Variants in FAM118B observed in about 807,000 individuals in gnomAD.
The protein encoded by FAM118B is SIR2 antiphage like 1.
In FAM118B, 24 loss-of-function variants were observed where a neutral mutation model predicts 38.5. The ratio of observed to expected loss-of-function variants is 0.62; its 90% CI spans 0.45 to 0.88. FAM118B has a LOEUF of 0.88. FAM118B is among the 40% of genes least tolerant of loss of function. The probability of loss-of-function intolerance (pLI) is 0.00; values close to 1 mark genes in which losing one functional copy is unlikely to be tolerated. For synonymous variants in FAM118B, 138 were observed against 156.3 expected (o/e 0.88, Z 0.87); for missense variants, 334 against 420.0 (o/e 0.80, Z 1.79).
At chr11:126,217,601 A>G (rs1443381066) in intron 1 of FAM118B, among the ~76,000 whole-genome samples, 2 of 152,194 alleles carry the variant, frequency 1.3e-5, no homozygotes, top group Non-Finnish European at 2.9e-5. Flanking sequence ...GCTCAAATGT[A>G]TCACCTGTTT....
chr11:126,226,612 C>T (rs934669454), intron 1 of FAM118B, among the ~76,000 whole-genome samples: 16 of 152,256 alleles, frequency 1.1e-4, no homozygotes, highest in Non-Finnish European at 2.1e-4. Context: ...AGTCTACTCT[C>T]TTTCTCTTTA....
At chr11:126,217,120 A>G (rs1949989706) in intron 1 of FAM118B, among the ~76,000 whole-genome samples, 1 of 152,260 alleles carries the variant, frequency 6.6e-6, no homozygotes, top group Non-Finnish European at 1.5e-5. Flanking sequence ...CATGGGGAGC[A>G]TGCCAACTCC....
chr11:126,240,430 T>C (rs1005329774), intron 3 of FAM118B, among the ~76,000 whole-genome samples: 1 of 152,200 alleles, frequency 6.6e-6, no homozygotes, highest in Non-Finnish European at 1.5e-5. Context: ...CGTCTTCTTT[T>C]GAAATTTAAT....
rs1950572817 is a variant in FAM118B at position 126,256,003 on chromosome 11, G to T, written c.697-564G>T. Among the ~76,000 whole-genome samples, 1 of 151,656 alleles carries T rather than the reference G, an allele frequency of 6.6e-6. No individual in the cohort carries two copies. Among genetic ancestry groups the T allele is most frequent in the African/African-American group, 2.4e-5 (1 of 41,258 alleles). ...AGTAAACTACTGGCCAAGTGCAGTG[G>T]CTCACGCCTGTAATCCCAGCACTTT... On this transcript the variant is annotated intron_variant, in intron 6 of 8. Coordinates refer to ENST00000533050, the MANE Select transcript of FAM118B (RefSeq NM_024556.4). This position sits in a 1 kb window ranked among gnomAD's most constrained non-coding sequence, Gnocchi z 6.6.
In FAM118B at chr11:126,219,349, C is replaced by CTTTTTTTTTTTTTTTT. The variant is rs549922825; in HGVS notation, c.-77+7544_-77+7559dup. The stretch of plus-strand genomic sequence containing the variant: ...AGCTTATCCTTCAGCTCTTGTTTAT[C>CTTTTTTTTTTTTTTTT]TTTTTTTTTTTTTTTTTTTTTTTTT... On this transcript the variant is annotated intron_variant, in intron 1 of 8. Transcript: ENST00000533050. 7.9e-4 allele frequency among the ~76,000 whole-genome samples: 35 copies of CTTTTTTTTTTTTTTTT among 44,464 alleles called. 1 individual carries two copies. The highest frequency in any genetic ancestry group is 1.1e-3 in the Non-Finnish European group (29 of 25,872). The allele number at this position is 44,464 out of a possible 152,430, so 29.2% of individuals were successfully genotyped here. A position where few individuals can be genotyped will look rare whatever the true frequency, so the allele number is the denominator to read the frequency against.
chr11:126,227,638 T>C (rs961875684), intron 1 of FAM118B, among the ~76,000 whole-genome samples: 15 of 152,196 alleles, frequency 9.9e-5, no homozygotes, highest in African/African-American at 3.6e-4. Context: ...ATCTTTCTTA[T>C]CCTTCTGTTC....
intron 2 of FAM118B, among the ~76,000 whole-genome samples, chr11:126,231,472 C>T (rs982527753): frequency 1.2e-4 from 18 of 152,012 alleles, no homozygotes; most frequent in African/African-American, 4.3e-4. Context: ...TTATATGCCA[C>T]TGGGGTATAC....
intron 1 of FAM118B, among the ~76,000 whole-genome samples, chr11:126,220,206 C>T (rs1384984307): frequency 6.6e-6 from 1 of 152,180 alleles, no homozygotes; most frequent in East Asian, 1.9e-4. Context: ...AAGGTGCTCT[C>T]TTTTTCTGAA....
chr11:126,214,501 T>TTTC (rs1949947012), intron 1 of FAM118B: 1 of 89,892 alleles, frequency 1.1e-5, no homozygotes. Flanking sequence ...TTTTTTTTTT[T>TTTC]TGTTTTTTTT....
chr11:126,260,911 G>A (rs1001851997), intron 7 of FAM118B: 1 of 154,014 alleles, frequency 6.5e-6, no homozygotes, highest in African/African-American at 2.4e-5. Context: ...GCCACATGTG[G>A]CTGGTGCACC....
chr11:126,219,458 G>T (rs1950033515), intron 1 of FAM118B, among the ~76,000 whole-genome samples: 1 of 133,436 alleles, frequency 7.5e-6, no homozygotes, highest in African/African-American at 2.8e-5. Flanking sequence ...CGACCTCCTG[G>T]GTTCAAGCAA....
intron 1 of FAM118B, among the ~76,000 whole-genome samples, chr11:126,215,325 G>C (rs1949964009): frequency 6.6e-6 from 1 of 152,118 alleles, no homozygotes; most frequent in South Asian, 2.1e-4. Context: ...TTCTGCTCTT[G>C]TCCCCAGAAT....
At chr11:126,260,464 C>G (rs1950665980) in intron 7 of FAM118B, 1 of 149,688 alleles carries the variant, frequency 6.7e-6, no homozygotes, top group Non-Finnish European at 1.5e-5. Context: ...TCCCTATCTT[C>G]ATAACCACTA....
chr11:126,256,087 A>G lies in FAM118B; in HGVS notation c.697-480A>G, dbSNP rs1055787842. Among the ~76,000 whole-genome samples the G allele has an allele frequency of 6.6e-6, 1 of 152,244 alleles. No individual in the cohort carries two copies. Among genetic ancestry groups the G allele is most frequent in the African/African-American group, 2.4e-5 (1 of 41,468 alleles). On this transcript the variant is annotated intron_variant, in intron 6 of 8. Coordinates refer to ENST00000533050, the MANE Select transcript of FAM118B (RefSeq NM_024556.4). This position sits in a 1 kb window ranked among gnomAD's most constrained non-coding sequence, Gnocchi z 6.6. ...GGAGTACCAGACCAGCCTGGCCAAC[A>G]TGGCAAAACCCCGTCTCTACTAAAC...
rs1950547714 is a variant in FAM118B, at chr11:126,254,443, GC to G, written c.696+11del. On this transcript the variant is annotated intron_variant, in intron 6 of 8. Transcript: ENST00000533050. ...GAACACTGAAGTCATGGTGAGTGGGGCTGATCTTGCTGGTCTCAGGAACTCC... is the reference window on the plus strand; with the variant it reads ...GAACACTGAAGTCATGGTGAGTGGGGTGATCTTGCTGGTCTCAGGAACTCC... 1 of 1,613,684 alleles carries G rather than the reference GC, an allele frequency of 6.2e-7. No homozygotes were observed. Among genetic ancestry groups the G allele is most frequent in the Non-Finnish European group, 8.5e-7 (1 of 1,179,862 alleles).
chr11:126,215,212 A>G (rs2135119835), intron 1 of FAM118B, among the ~76,000 whole-genome samples: 1 of 152,322 alleles, frequency 6.6e-6, no homozygotes, highest in South Asian at 2.1e-4. Flanking sequence ...TAGTCTATGA[A>G]GATTTTCCAC....
intron 7 of FAM118B, among the ~76,000 whole-genome samples, chr11:126,258,979 A>G (rs1413584224): frequency 6.6e-6 from 1 of 152,196 alleles, no homozygotes; most frequent in African/African-American, 2.4e-5. Context: ...TAGGCTTCCT[A>G]CCAGAGTAGC....
intron 1 of FAM118B, 118 bp from the exon 2 acceptor site, chr11:126,229,107 A>G (rs1950177926): frequency 6.6e-6 from 1 of 152,170 alleles, no homozygotes. Flanking sequence ...TTCATTTTTA[A>G]TGAATAACCT....
At chr11:126,228,287 C>T (rs761093681) in intron 1 of FAM118B, among the ~76,000 whole-genome samples, 3 of 151,796 alleles carry the variant, frequency 2.0e-5, no homozygotes, top group Non-Finnish European at 4.4e-5. Context: ...CAACCTTAGC[C>T]TCCTGGGTTC....
Sources: allele counts gnomAD v4.1 joint callset (sites outside exome capture counted in the v4.1 genomes callset), GRCh38; gene constraint gnomAD v4.1.1; non-coding constraint Gnocchi (gnomAD v3.1); transcripts MANE v1.5; gene names NCBI Gene and HGNC (gene_info 2026-07-23, HGNC 2026-07-21).